The following NKAIN3 variants were observed in gnomAD, a reference collection of about 807,000 sequenced individuals.
NKAIN3 encodes sodium/potassium transporting ATPase interacting 3, also known as sodium/potassium-transporting ATPase subunit beta-1-interacting protein 3.
NKAIN3 carries 25 observed loss-of-function variants against 30.2 expected under a neutral mutation model. The ratio of observed to expected loss-of-function variants is 0.83; its 90% CI spans 0.60 to 1.16. The LOEUF (loss-of-function observed/expected upper bound fraction) is 1.16, where lower values mean the gene tolerates loss of function less well. NKAIN3 is among the 50% of genes most tolerant of loss of function. The pLI is 0.00. For missense variants in NKAIN3, 225 were observed against 254.1 expected (o/e 0.89, Z 0.78); for synonymous variants, 91 against 89.6 (o/e 1.02, Z -0.09).
intron 4 of NKAIN3, among the ~76,000 whole-genome samples, chr8:62,909,202 A>G (rs1297109774): frequency 6.6e-6 from 1 of 152,230 alleles, no homozygotes; most frequent in Non-Finnish European, 1.5e-5. Context: ...CTGCAGGTCA[A>G]AACAAACCAA....
rs963672776 is a variant in NKAIN3, at chr8:62,534,906, A to G, written c.55-44633A>G. Among the ~76,000 whole-genome samples, 12 of 151,038 alleles carry G rather than the reference A, an allele frequency of 7.9e-5. No individual in the cohort carries two copies. In the East Asian group the frequency reaches 9.7e-4, roughly 12 times the overall value. On this transcript the variant is annotated intron_variant, in intron 1 of 6. Coordinates refer to ENST00000623646, the MANE Select transcript of NKAIN3 (RefSeq NM_001304533.3). ...GTTTCTGATTTTCTGAAAGCTCCAC[A>G]GAATGGTCCCAAAGAAAGTGTTCAT...
intron 3 of NKAIN3, among the ~76,000 whole-genome samples, chr8:62,712,976 C>T (rs1443155446): frequency 6.6e-6 from 1 of 152,214 alleles, no homozygotes; most frequent in East Asian, 1.9e-4. Context: ...TCGGAAACTT[C>T]TCCCACAAAC....
chr8:62,481,671 T>A (rs1210443038), intron 1 of NKAIN3, among the ~76,000 whole-genome samples: 1 of 152,140 alleles, frequency 6.6e-6, no homozygotes, highest in Non-Finnish European at 1.5e-5. Flanking sequence ...CATCTAGAAA[T>A]CGATACCAAT....
At chr8:62,714,548 T>C (rs565887068) in intron 3 of NKAIN3, among the ~76,000 whole-genome samples, 1 of 152,288 alleles carries the variant, frequency 6.6e-6, no homozygotes, top group East Asian at 1.9e-4. Context: ...TATACATTAT[T>C]GTTCTTCACA....
chr8:62,388,970 A>T (rs1817509895), intron 1 of NKAIN3, among the ~76,000 whole-genome samples: 1 of 152,180 alleles, frequency 6.6e-6, no homozygotes, highest in South Asian at 2.1e-4. Context: ...CATCTGTGGT[A>T]AAAATGTAAA....
chr8:62,936,989 T>C (rs1822805068), intron 5 of NKAIN3, among the ~76,000 whole-genome samples: 2 of 152,028 alleles, frequency 1.3e-5, no homozygotes, highest in Non-Finnish European at 2.9e-5. Flanking sequence ...GAAGATATTC[T>C]TCTATATTAT....
At chr8:62,584,234 G>A (rs1027713235) in intron 2 of NKAIN3, among the ~76,000 whole-genome samples, 2 of 152,022 alleles carry the variant, frequency 1.3e-5, no homozygotes, top group Non-Finnish European at 2.9e-5. Context: ...CACACAGATA[G>A]GTCAATTAAA....
intron 4 of NKAIN3, among the ~76,000 whole-genome samples, chr8:62,829,127 A>G (rs1339989207): frequency 6.6e-6 from 1 of 152,222 alleles, no homozygotes; most frequent in Non-Finnish European, 1.5e-5. Flanking sequence ...AATAGATAAT[A>G]CAGAACTTAA....
At chr8:62,672,732 T>C (rs1813345549) in intron 3 of NKAIN3, among the ~76,000 whole-genome samples, 1 of 152,188 alleles carries the variant, frequency 6.6e-6, no homozygotes, top group Non-Finnish European at 1.5e-5. Flanking sequence ...AATGACTCTT[T>C]TATTCTCTAG....
intron 2 of NKAIN3, among the ~76,000 whole-genome samples, chr8:62,589,136 C>A (rs890799281): frequency 6.6e-6 from 1 of 151,770 alleles, no homozygotes; most frequent in Admixed American, 6.6e-5. Flanking sequence ...TTCATTTCCT[C>A]ATTCTTAATC....
chr8:62,317,568 C>G (rs1814685485), intron 1 of NKAIN3, among the ~76,000 whole-genome samples: 1 of 152,178 alleles, frequency 6.6e-6, no homozygotes, highest in South Asian at 2.1e-4. Flanking sequence ...TCAGGTTTGT[C>G]AAAGATCAGA....
intron 2 of NKAIN3, 32 bp downstream of exon 2, chr8:62,579,708 TA>T: frequency 7.7e-7 from 1 of 1,291,040 alleles, no homozygotes; most frequent in Non-Finnish European, 1.0e-6. Flanking sequence ...TTGCTTCATA[TA>T]AACAATTCAA....
intron 3 of NKAIN3, among the ~76,000 whole-genome samples, chr8:62,646,835 A>T (rs1047554944): frequency 6.6e-6 from 1 of 152,166 alleles, no homozygotes; most frequent in African/African-American, 2.4e-5. Flanking sequence ...ACAGTAGAAC[A>T]GGCCAATCAC....
intron 1 of NKAIN3, among the ~76,000 whole-genome samples, chr8:62,387,981 C>T (rs1051049475): frequency 5.9e-5 from 9 of 152,118 alleles, no homozygotes; most frequent in African/African-American, 2.4e-5. Context: ...CAAACATCTT[C>T]CCATAGGCCA....
intron 5 of NKAIN3, among the ~76,000 whole-genome samples, chr8:62,944,398 C>T (rs893028026): frequency 6.6e-6 from 1 of 152,082 alleles, no homozygotes; most frequent in African/African-American, 2.4e-5. Context: ...TTTGCCTTTT[C>T]ACATACATTT....
Position 62,571,570 on chromosome 8 carries a change from C to T in NKAIN3, c.55-7969C>T, listed in dbSNP as rs531402459. ...CCCCAGTGCAGACTCTGCATGGGAG[C>T]GCCAACCCCACATTTCCCTTCCACA... On this transcript the variant is annotated intron_variant, in intron 1 of 6. Coordinates refer to ENST00000623646, the MANE Select transcript of NKAIN3 (RefSeq NM_001304533.3). 2.1e-4 allele frequency among the ~76,000 whole-genome samples: 32 copies of T among 152,200 alleles called. No individual in the cohort carries two copies. In the South Asian group the frequency reaches 3.7e-3, roughly 18 times the overall value.
intron 1 of NKAIN3, among the ~76,000 whole-genome samples, chr8:62,510,172 C>A (rs1271251986): frequency 2.6e-5 from 4 of 151,778 alleles, no homozygotes; most frequent in African/African-American, 9.7e-5. Flanking sequence ...AAGTGAAGAC[C>A]AAATTGAGTT....
intron 1 of NKAIN3, among the ~76,000 whole-genome samples, chr8:62,551,276 C>A (rs1037572603): frequency 6.6e-6 from 1 of 152,068 alleles, no homozygotes; most frequent in Non-Finnish European, 1.5e-5. Flanking sequence ...AGTCTCTAGT[C>A]TCCTGTACTT....
At position 62,976,001 on chromosome 8, in the gene NKAIN3, G is replaced by A. The variant is rs1259230615; in HGVS notation, c.*10594G>A. Among the ~76,000 whole-genome samples, 3 of 152,154 alleles carry A rather than the reference G, an allele frequency of 2.0e-5. No individual in the cohort carries two copies. The highest frequency in any genetic ancestry group is 6.5e-5 in the Admixed American group (1 of 15,272). On this transcript the variant is annotated 3_prime_UTR_variant, in exon 7 of 7. Coordinates refer to ENST00000623646, the MANE Select transcript of NKAIN3 (RefSeq NM_001304533.3). ...CATGTAGTTGTGTGGTTTTGAGTGA[G>A]TTTCTTAATCCTGAGTTCTAACTTG...
Sources: allele counts gnomAD v4.1 joint callset (sites outside exome capture counted in the v4.1 genomes callset), GRCh38; gene constraint gnomAD v4.1.1; transcripts MANE v1.5; gene names NCBI Gene and HGNC (gene_info 2026-07-23, HGNC 2026-07-21).